Variants in ARHGEF18 observed in about 807,000 individuals in gnomAD.
ARHGEF18 encodes the protein Rho/Rac guanine nucleotide exchange factor 18, also known as rho guanine nucleotide exchange factor 18.
In ARHGEF18, 93 loss-of-function variants were observed where a neutral mutation model predicts 155.7. That is an observed-to-expected ratio of 0.60 (90% CI 0.50 to 0.71). ARHGEF18 has a LOEUF of 0.71. Among genes scored for constraint, ARHGEF18 ranks in the 30% least tolerant of loss-of-function variants. The pLI, the probability that ARHGEF18 is intolerant of heterozygous loss-of-function variation, is 0.00. For missense variants in ARHGEF18, 1,593 were observed against 1,816.1 expected, an observed-to-expected ratio of 0.88 and a Z score of 2.23; for synonymous variants, 742 against 753.1, an observed-to-expected ratio of 0.99 and a Z score of 0.24.
rs780915232 is a variant in ARHGEF18, at chr19:7,380,903, C to T, written c.645-14C>T. ...GGCTGCCGACCCAGGTATCTGTCCC[C>T]TCTGATCCTGCAGGGCCCGGCAGAG... On this transcript the variant is annotated splice_polypyrimidine_tract_variant and intron_variant, in intron 7 of 28. Transcript: ENST00000668164. 31 of 1,231,840 alleles carry T rather than the reference C, an allele frequency of 2.5e-5. No homozygotes were observed. Among genetic ancestry groups the T allele is most frequent in the Middle Eastern group, 3.1e-4 (1 of 3,232 alleles). 76.3% of individuals were successfully genotyped at this position (1,231,840 alleles called of 1,614,324 possible).
intron 2 of ARHGEF18, among the ~76,000 whole-genome samples, chr19:7,364,663 T>A (rs1281239944): frequency 2.0e-5 from 3 of 152,156 alleles, no homozygotes; most frequent in African/African-American, 7.2e-5. Flanking sequence ...CAAGTCCTGA[T>A]GGTGTGTGGC....
chr19:7,406,757 T>C (rs939713821), intron 10 of ARHGEF18, among the ~76,000 whole-genome samples: 5 of 152,124 alleles, frequency 3.3e-5, no homozygotes, highest in African/African-American at 1.2e-4. Flanking sequence ...TGCTGACTTA[T>C]ATTAATAGTT....
At chr19:7,375,411 A>AAAAGGAAGGAAG (rs1219708923) in intron 3 of ARHGEF18, among the ~76,000 whole-genome samples, 2 of 98,458 alleles carry the variant, frequency 2.0e-5, no homozygotes, top group Non-Finnish European at 5.0e-5. Flanking sequence ...AGGAAGGAAG[A>AAAAGGAAGGAAG]AAAGGAAGGA....
rs551104818 is a variant in ARHGEF18, at chr19:7,470,287, A to G, written c.4075A>G (p.Ile1359Val). Reference protein sequence around the residue: ...AKEDASKEDVIFF With the variant: ...AKEDASKEDVVFF ...GGAGGACGCCAGCAAAGAAGACGTC[A>G]TCTTCTTCTAAAAGGGCCGTGACTC... The change falls in exon 29 of 29, where the codon ATC becomes GTC. Residue 1359 changes from isoleucine to valine, a missense_variant. Physicochemically the swap from Ile to Val is conservative, Grantham distance 29. Coordinates refer to ENST00000668164, the MANE Select transcript of ARHGEF18 (RefSeq NM_001367823.1). This position sits in a 1 kb window ranked among gnomAD's most constrained non-coding sequence, Gnocchi z 5.9. The G allele has an allele frequency of 3.3e-6, 5 of 1,535,928 alleles. No individual in the cohort carries two copies. Among genetic ancestry groups the G allele is most frequent in the African/African-American group, 2.8e-5 (2 of 71,062 alleles).
intron 10 of ARHGEF18, among the ~76,000 whole-genome samples, chr19:7,415,949 T>C (rs772784055): frequency 6.6e-6 from 1 of 152,150 alleles, no homozygotes; most frequent in Non-Finnish European, 1.5e-5. Flanking sequence ...GGAGAAAACT[T>C]GGAGTTCCCA....
intron 1 of ARHGEF18, among the ~76,000 whole-genome samples, chr19:7,361,093 A>T (rs1050224655): frequency 1.3e-5 from 2 of 152,218 alleles, no homozygotes; most frequent in African/African-American, 4.8e-5. Flanking sequence ...ACTTTTTAGG[A>T]ACAGCTTTAT....
downstream of ARHGEF18, chr19:7,477,152 G>A (rs1202349591): frequency 1.4e-6 from 2 of 1,389,594 alleles, no homozygotes; most frequent in Non-Finnish European, 1.9e-6. Flanking sequence ...TGCTTTGCGG[G>A]AAGGGCCCTC....
chr19:7,372,672 G>A, intron 2 of ARHGEF18, 140 bp from the exon 3 acceptor site: 2 of 851,414 alleles, frequency 2.3e-6, no homozygotes, highest in Non-Finnish European at 3.1e-6. Flanking sequence ...CTGTGAGGAG[G>A]GCGCTGAGCC....
At chr19:7,385,999 T>G (rs1172991725) in intron 10 of ARHGEF18, among the ~76,000 whole-genome samples, 1 of 114,778 alleles carries the variant, frequency 8.7e-6, no homozygotes, top group Non-Finnish European at 1.8e-5. Context: ...TCTCTCTCCC[T>G]CTCTCTTTCT....
chr19:7,451,283 C>A lies in ARHGEF18; in HGVS notation c.1855+17C>A, dbSNP rs1383288590. 1 of 1,609,486 alleles carries A rather than the reference C, an allele frequency of 6.2e-7. No homozygotes were observed. Among genetic ancestry groups the A allele is most frequent in the Admixed American group, 1.7e-5 (1 of 59,892 alleles). ...ACACGGAAGGTAGGCCTTCTCCCCACTGCCCCGCCCGCCCGTGCTGCTGCA... is the reference window on the plus strand; with the variant it reads ...ACACGGAAGGTAGGCCTTCTCCCCAATGCCCCGCCCGCCCGTGCTGCTGCA... On this transcript the variant is annotated intron_variant, in intron 16 of 28. Coordinates refer to ENST00000668164, the MANE Select transcript of ARHGEF18 (RefSeq NM_001367823.1).
chr19:7,389,008 C>CA (rs1449133716), intron 10 of ARHGEF18, among the ~76,000 whole-genome samples: 12 of 151,822 alleles, frequency 7.9e-5, no homozygotes, highest in African/African-American at 2.2e-4. Context: ...TTTTTTGAGA[C>CA]AGAGTCTCAC....
At chr19:7,380,812 C>A in intron 7 of ARHGEF18, 105 bp from the exon 8 acceptor site, 1 of 637,912 alleles carries the variant, frequency 1.6e-6, no homozygotes, top group Non-Finnish European at 2.2e-6. Context: ...GACAGGTGGG[C>A]TCTTAGACGG....
intron 19 of ARHGEF18, among the ~76,000 whole-genome samples, chr19:7,459,510 ATGCC>A (rs1976061960): frequency 6.6e-6 from 1 of 152,092 alleles, no homozygotes; most frequent in Non-Finnish European, 1.5e-5. Context: ...GTGAGCCACC[ATGCC>A]TGTCCACTCC....
At chr19:7,392,879 CTCTG>C (rs1179162458) in intron 10 of ARHGEF18, among the ~76,000 whole-genome samples, 1 of 151,190 alleles carries the variant, frequency 6.6e-6, no homozygotes, top group African/African-American at 2.4e-5. Flanking sequence ...CATGGCGAAA[CTCTG>C]TCTCTACAAA....
chr19:7,440,479 T>G lies in ARHGEF18; in HGVS notation c.1103T>G (p.Leu368Arg). 6.3e-7 allele frequency: 1 copy of G among 1,596,758 alleles called. No homozygotes were observed. Among genetic ancestry groups the G allele is most frequent in the Non-Finnish European group, 8.5e-7 (1 of 1,178,254 alleles). Residue 368 changes from leucine (L) to arginine (R), a missense_variant, in exon 11 of 29, where the codon CTC becomes CGC. Transcript: ENST00000668164. The surrounding 1 kb of genome is among the most constrained non-coding windows in gnomAD (Gnocchi z 5.4). ...TPSPAGPGTQ[L>R]GPITGEMDEA... is the part of the protein sequence containing the mutation. ...AGCCCGGCTGGCCCTGGGACGCAAC[T>G]CGGGTAAGCCAGGGTCCCCTCTGTG...
In ARHGEF18 at chr19:7,394,980, G is replaced by A. The variant is rs1447108381; in HGVS notation, c.967+11777G>A. ...CCCGCGCCCCTCTCAAGGCCGAGCCGACGCCCCCTCACCACGGCTCGGGGA... is the reference window on the plus strand; with the variant it reads ...CCCGCGCCCCTCTCAAGGCCGAGCCAACGCCCCCTCACCACGGCTCGGGGA... On this transcript the variant is annotated intron_variant, in intron 10 of 28. Coordinates refer to ENST00000668164, the MANE Select transcript of ARHGEF18 (RefSeq NM_001367823.1). 6 of 923,098 alleles carry A rather than the reference G, an allele frequency of 6.5e-6. No individual in the cohort carries two copies. The African/African-American group carries it at 9.0e-5, about 14-fold the overall frequency. The allele number at this position is 923,098 out of a possible 1,614,324, so 57.2% of individuals were successfully genotyped here.
chr19:7,419,121 AT>A (rs1973187259), intron 10 of ARHGEF18, among the ~76,000 whole-genome samples: 1 of 130,804 alleles, frequency 7.6e-6, no homozygotes, highest in Non-Finnish European at 1.6e-5. Flanking sequence ...TGTACCCCAG[AT>A]GTACCCACAC....
intron 6 of ARHGEF18, 55 bp downstream of exon 6, chr19:7,378,506 C>T: frequency 3.3e-6 from 4 of 1,226,980 alleles, no homozygotes; most frequent in Non-Finnish European, 4.1e-6. Flanking sequence ...GCCACAAAGT[C>T]AGGGCTGCGG....
At chr19:7,450,805 C>T (rs1374866710) in intron 15 of ARHGEF18, among the ~76,000 whole-genome samples, 2 of 152,272 alleles carry the variant, frequency 1.3e-5, no homozygotes, top group African/African-American at 2.4e-5. Flanking sequence ...TTTCCGTTTC[C>T]GAGATGTTAA....
Sources: gnomAD v4.1 joint callset for allele counts (sites outside exome capture counted in the v4.1 genomes callset) on GRCh38, gnomAD v4.1.1 for gene constraint, Gnocchi (gnomAD v3.1) non-coding constraint, MANE v1.5 for transcripts, NCBI Gene and HGNC (gene_info 2026-07-23, HGNC 2026-07-21) for gene names.